Variants in PRIM2 observed in about 807,000 individuals in gnomAD.
The protein encoded by PRIM2 is DNA primase subunit 2, also known as DNA primase large subunit.
A neutral mutation model predicts 67.3 loss-of-function variants in PRIM2; 39 were observed. The observed-to-expected ratio is 0.58, with a 90% CI of 0.45 to 0.76. PRIM2 has a LOEUF of 0.76. PRIM2 is among the 30% of genes least tolerant of loss of function. The pLI is 0.00. For synonymous variants in PRIM2, 143 were observed against 198.7 expected (o/e 0.72, Z 2.36); for missense variants, 398 against 598.7 (o/e 0.66, Z 3.50).
At chr6:57,481,541 A>G (rs1379390947) in intron 7 of PRIM2, among the ~76,000 whole-genome samples, 4 of 150,950 alleles carry the variant, frequency 2.6e-5, no homozygotes, top group East Asian at 1.9e-4. Flanking sequence ...TAAAGCTGCT[A>G]TCAACATTTG....
chr6:57,453,057 T>A (rs142716567), intron 7 of PRIM2, among the ~76,000 whole-genome samples: 2 of 152,132 alleles, frequency 1.3e-5, no homozygotes, highest in African/African-American at 2.4e-5. Flanking sequence ...TTTCCCCATT[T>A]CTTGTTTTTA....
intron 5 of PRIM2, among the ~76,000 whole-genome samples, chr6:57,349,610 A>G (rs961810671): frequency 1.3e-5 from 2 of 152,248 alleles, no homozygotes; most frequent in South Asian, 2.1e-4. Context: ...GTTAACCACT[A>G]GTTCCACCCA....
intron 7 of PRIM2, among the ~76,000 whole-genome samples, chr6:57,458,767 C>T (rs1772899536): frequency 6.6e-6 from 1 of 152,174 alleles, no homozygotes; most frequent in Non-Finnish European, 1.5e-5. Flanking sequence ...AGTTAGCCCC[C>T]CTAGCTACTA....
At chr6:57,238,735 G>C in the PRIM2 span, among the ~76,000 whole-genome samples, 11 of 152,152 alleles carry the variant, frequency 7.2e-5, no homozygotes, top group African/African-American at 2.7e-4. Flanking sequence ...GAAAGAGATA[G>C]AGACACAAAA....
chr6:57,608,694 T>G, intron 12 of PRIM2, among the ~76,000 whole-genome samples: 3 of 142,118 alleles, frequency 2.1e-5, no homozygotes, highest in Non-Finnish European at 3.0e-5. Flanking sequence ...GCATTGGCAA[T>G]GGAGTGAGAC....
intron 7 of PRIM2, among the ~76,000 whole-genome samples, chr6:57,498,023 A>G (rs1198544667): frequency 2.6e-5 from 4 of 152,206 alleles, no homozygotes; most frequent in Non-Finnish European, 5.9e-5. Flanking sequence ...GTTAAAATCA[A>G]TGAAGTTAAA....
chr6:57,386,117 G>A (rs1388984417), intron 7 of PRIM2, among the ~76,000 whole-genome samples: 1 of 151,808 alleles, frequency 6.6e-6, no homozygotes, highest in Non-Finnish European at 1.5e-5. Context: ...TGAGTGGGGT[G>A]GCTCACACCT....
chr6:57,409,869 T>C (rs1301658850), intron 7 of PRIM2, among the ~76,000 whole-genome samples: 3 of 152,390 alleles, frequency 2.0e-5, no homozygotes, highest in African/African-American at 7.2e-5. Flanking sequence ...AGTATTCAAC[T>C]GACCCAAGAG....
At chr6:57,583,343 A>G (rs1411263416) in intron 10 of PRIM2, among the ~76,000 whole-genome samples, 2 of 85,622 alleles carry the variant, frequency 2.3e-5, no homozygotes, top group African/African-American at 9.6e-5. Context: ...CCCACCCCAC[A>G]ACAGTCCCCA....
intron 10 of PRIM2, among the ~76,000 whole-genome samples, chr6:57,564,013 C>G (rs1775689983): frequency 6.6e-6 from 1 of 152,134 alleles, no homozygotes; most frequent in African/African-American, 2.4e-5. Flanking sequence ...ACATGAAGTC[C>G]TTTCTGGTTT....
the PRIM2 span, among the ~76,000 whole-genome samples, chr6:57,242,288 A>C: frequency 6.6e-6 from 1 of 152,162 alleles, no homozygotes; most frequent in South Asian, 2.1e-4. Flanking sequence ...AAGCATTAAA[A>C]ATTTCCTGCC....
chr6:57,337,833 C>G (rs1260368857), intron 5 of PRIM2, among the ~76,000 whole-genome samples: 3 of 152,090 alleles, frequency 2.0e-5, no homozygotes, highest in Non-Finnish European at 4.4e-5. Flanking sequence ...TAAAAGGTAG[C>G]AGAAGGCAAG....
intron 7 of PRIM2, among the ~76,000 whole-genome samples, chr6:57,431,187 A>G (rs1241032727): frequency 6.6e-6 from 1 of 151,404 alleles, no homozygotes; most frequent in Non-Finnish European, 1.5e-5. Flanking sequence ...ATGTGTCCAA[A>G]TAGAGATTTG....
chr6:57,312,179 GTATT>G (rs1277081452), upstream of PRIM2, among the ~76,000 whole-genome samples: 2 of 152,118 alleles, frequency 1.3e-5, no homozygotes, highest in East Asian at 3.9e-4. Context: ...AAAAAACTGT[GTATT>G]TATGTACTTT....
chr6:57,503,984 AGTG>A (rs1774199493), intron 7 of PRIM2, among the ~76,000 whole-genome samples: 1 of 152,190 alleles, frequency 6.6e-6, no homozygotes, highest in South Asian at 2.1e-4. Flanking sequence ...TGTGAGGTAA[AGTG>A]AATCTTGAAA....
chr6:57,555,089 A>G (rs1197206014), intron 10 of PRIM2, among the ~76,000 whole-genome samples: 4 of 152,226 alleles, frequency 2.6e-5, no homozygotes, highest in Admixed American at 6.5e-5. Context: ...GATAGAGACA[A>G]ATGGACTAAA....
Position 57,577,426 on chromosome 6 carries a change from A to AT in PRIM2, c.1021-23667_1021-23666insT, listed in dbSNP as rs1581999748. Among the ~76,000 whole-genome samples, 28 of 134,240 alleles carry AT rather than the reference A, an allele frequency of 2.1e-4. 1 individual carries two copies. In the East Asian group the frequency reaches 5.8e-3, roughly 28 times the overall value. The allele number at this position is 134,240 out of a possible 152,430, so 88.1% of individuals were successfully genotyped here. A position where few individuals can be genotyped will look rare whatever the true frequency, so the allele number is the denominator to read the frequency against. The stretch of plus-strand genomic sequence containing the variant: ...GTACTTTTCCATTGCCTGGTATATA[A>AT]ATTTTTTTTTTTTTTTTTTTTGAGA... On this transcript the variant is annotated intron_variant, in intron 10 of 13. Transcript: ENST00000615550.
the PRIM2 span, among the ~76,000 whole-genome samples, chr6:57,266,866 T>C: frequency 6.6e-6 from 1 of 152,130 alleles, no homozygotes. Context: ...TCCAAAATAA[T>C]AAATGATTAA....
the PRIM2 span, among the ~76,000 whole-genome samples, chr6:57,264,066 G>T: frequency 1.3e-5 from 2 of 152,184 alleles, no homozygotes; most frequent in Non-Finnish European, 2.9e-5. Flanking sequence ...TGAAATAGCT[G>T]GTTATAGCTT....
Sources: allele counts gnomAD v4.1 joint callset (sites outside exome capture counted in the v4.1 genomes callset), GRCh38; gene constraint gnomAD v4.1.1; transcripts MANE v1.5; gene names NCBI Gene and HGNC (gene_info 2026-07-23, HGNC 2026-07-21).